The following DNAH6 variants were observed in gnomAD, a reference collection of about 807,000 sequenced individuals.
DNAH6 encodes the protein dynein axonemal heavy chain 6.
Under a neutral mutation model 491.4 loss-of-function variants are expected in DNAH6, and 340 were observed. The ratio of observed to expected loss-of-function variants is 0.69; its 90% CI spans 0.63 to 0.76. The LOEUF (loss-of-function observed/expected upper bound fraction) is 0.76, where lower values mean the gene tolerates loss of function less well. Ranked by LOEUF, DNAH6 falls within the 30% of genes least tolerant of loss-of-function variation. The pLI, the probability that DNAH6 is intolerant of heterozygous loss-of-function variation, is 0.00. For missense variants in DNAH6, 4,443 were observed against 4,972.2 expected (o/e 0.89, Z 3.20); for synonymous variants, 1,603 against 1,686.1 (o/e 0.95, Z 1.21).
At chr2:84,478,154 A>T in the DNAH6 span, among the ~76,000 whole-genome samples, 2 of 152,210 alleles carry the variant, frequency 1.3e-5, no homozygotes, top group Non-Finnish European at 2.9e-5. Flanking sequence ...TTATTTAGGG[A>T]AGATGGTACA....
In DNAH6 at chr2:84,703,510, A is replaced by T; in HGVS notation, c.8177A>T (p.Asp2726Val). 1 of 1,551,602 alleles carries T rather than the reference A, an allele frequency of 6.4e-7. No individual in the cohort carries two copies. The highest frequency in any genetic ancestry group is 8.7e-7 in the Non-Finnish European group (1 of 1,146,864). ...CCTGTACTTTTAGCAAAATCAGAAG[A>T]TGTTGAAGCCCTGATGGAAAAATTG... Reference protein sequence around the residue: ...LEPVLLAKSEDVEALMEKLAV... With the variant: ...LEPVLLAKSEVVEALMEKLAV... Residue 2726 changes from aspartate to valine, a missense_variant, in exon 50 of 77, where the codon GAT becomes GTT. Transcript: ENST00000389394.
intron 72 of DNAH6, among the ~76,000 whole-genome samples, chr2:84,810,182 G>A (rs1679823894): frequency 6.6e-6 from 1 of 152,122 alleles, no homozygotes; most frequent in South Asian, 2.1e-4. Flanking sequence ...AGGTCTCTGT[G>A]TCCACCACTG....
chr2:84,534,285 G>A (rs530621897), intron 4 of DNAH6, among the ~76,000 whole-genome samples: 5 of 152,006 alleles, frequency 3.3e-5, no homozygotes, highest in East Asian at 1.9e-4. Context: ...AAACACAATC[G>A]CTCAGAAATT....
At chr2:84,676,213 A>G (rs1047775477) in intron 40 of DNAH6, among the ~76,000 whole-genome samples, 1 of 152,246 alleles carries the variant, frequency 6.6e-6, no homozygotes, top group African/African-American at 2.4e-5. Context: ...CACAGTTCCC[A>G]GATGAGGTGG....
At chr2:84,552,504 C>T (rs1679493415) in intron 9 of DNAH6, among the ~76,000 whole-genome samples, 1 of 152,100 alleles carries the variant, frequency 6.6e-6, no homozygotes, top group Non-Finnish European at 1.5e-5. Context: ...AGATTATGCC[C>T]TTTGCCCATT....
At chr2:84,799,477 G>A (rs1678674009) in intron 70 of DNAH6, among the ~76,000 whole-genome samples, 1 of 152,216 alleles carries the variant, frequency 6.6e-6, no homozygotes, top group Admixed American at 6.5e-5. Flanking sequence ...ACATGAGCTG[G>A]GCAGGCCCCA....
chr2:84,794,480 A>G (rs1678116590), intron 68 of DNAH6, among the ~76,000 whole-genome samples: 1 of 150,624 alleles, frequency 6.6e-6, no homozygotes, highest in Non-Finnish European at 1.5e-5. Flanking sequence ...CAAATTTACA[A>G]GAAAAAAACA....
intron 11 of DNAH6, among the ~76,000 whole-genome samples, chr2:84,561,202 G>A (rs934085540): frequency 2.0e-5 from 3 of 152,098 alleles, no homozygotes; most frequent in Non-Finnish European, 4.4e-5. Flanking sequence ...ATAGATCAAT[G>A]GAACAGAACA....
chr2:84,720,425 C>T (rs911783000), intron 59 of DNAH6, among the ~76,000 whole-genome samples: 2 of 150,528 alleles, frequency 1.3e-5, no homozygotes, highest in African/African-American at 4.9e-5. Flanking sequence ...ACTACAGGCG[C>T]CCGCCACTAC....
chr2:84,682,510 C>A (rs1693881350), intron 42 of DNAH6, among the ~76,000 whole-genome samples: 2 of 152,326 alleles, frequency 1.3e-5, no homozygotes, highest in Admixed American at 1.3e-4. Flanking sequence ...CCCACCCCTA[C>A]TCTAAGAGTC....
the DNAH6 span, among the ~76,000 whole-genome samples, chr2:84,460,472 G>A: frequency 6.6e-6 from 1 of 152,146 alleles, no homozygotes; most frequent in Admixed American, 6.5e-5. Flanking sequence ...CTGAGCTGTC[G>A]CTTGATAAGT....
intron 22 of DNAH6, among the ~76,000 whole-genome samples, chr2:84,615,888 G>A (rs187249620): frequency 2.0e-5 from 3 of 152,070 alleles, no homozygotes; most frequent in East Asian, 3.9e-4. Flanking sequence ...ACTGATTTGA[G>A]TACATTAATT....
At chr2:84,745,741 A>G (rs1414413500) in intron 63 of DNAH6, among the ~76,000 whole-genome samples, 1 of 152,020 alleles carries the variant, frequency 6.6e-6, no homozygotes, top group Non-Finnish European at 1.5e-5. Flanking sequence ...GAATTATGAA[A>G]GAGAGCCAGC....
In DNAH6 at chr2:84,813,093, G is replaced by T. The variant is rs1241622692; in HGVS notation, c.11961G>T (p.Trp3987Cys). Residue 3987 changes from tryptophan (W) to cysteine (C), a missense_variant, in exon 74 of 77, where the codon TGG becomes TGT. Physicochemically the swap from Trp to Cys is radical, Grantham distance 215. Coordinates refer to ENST00000389394, the MANE Select transcript of DNAH6 (RefSeq NM_001370.2). ...WLKRGQPKSY[W>C]ISGFFFPQGF... ...AAAGAGGACAGCCTAAGTCCTACTG[G>T]ATCTCTGGTTTCTTCTTTCCTCAAG... 3 of 1,551,876 alleles carry T rather than the reference G, an allele frequency of 1.9e-6. No homozygotes were observed. Among genetic ancestry groups the T allele is most frequent in the Non-Finnish European group, 2.6e-6 (3 of 1,147,026 alleles).
intron 5 of DNAH6, 99 bp downstream of exon 5, chr2:84,544,599 T>C (rs1678594194): frequency 1.4e-6 from 1 of 701,850 alleles, no homozygotes; most frequent in South Asian, 2.6e-5. Context: ...AAATCAAATA[T>C]TTTATATTCT....
chr2:84,713,573 C>G (rs377034797), intron 57 of DNAH6, among the ~76,000 whole-genome samples: 1 of 152,260 alleles, frequency 6.6e-6, no homozygotes, highest in Non-Finnish European at 1.5e-5. Context: ...TCCACAGCCA[C>G]TCCTCCTAAA....
intron 55 of DNAH6, 139 bp from the exon 56 acceptor site, chr2:84,710,148 G>A: frequency 1.8e-6 from 2 of 1,090,260 alleles, no homozygotes; most frequent in Non-Finnish European, 2.5e-6. Context: ...TATTGTCGGG[G>A]GACAGGGGAG....
intron 11 of DNAH6, among the ~76,000 whole-genome samples, chr2:84,571,429 G>A (rs1313823068): frequency 6.6e-6 from 1 of 152,174 alleles, no homozygotes; most frequent in Non-Finnish European, 1.5e-5. Flanking sequence ...CCAGTAATGA[G>A]ACAACAAATG....
At chr2:84,460,632 T>C in the DNAH6 span, among the ~76,000 whole-genome samples, 1 of 152,156 alleles carries the variant, frequency 6.6e-6, no homozygotes, top group African/African-American at 2.4e-5. Context: ...GAACAATGCC[T>C]TACACAAATA....
Sources: gnomAD v4.1 joint callset for allele counts (sites outside exome capture counted in the v4.1 genomes callset) on GRCh38, gnomAD v4.1.1 for gene constraint, MANE v1.5 for transcripts, NCBI Gene and HGNC (gene_info 2026-07-23, HGNC 2026-07-21) for gene names.